PPM1K: variants seen among roughly 807,000 people sequenced by gnomAD.
PPM1K encodes the protein protein phosphatase, Mg2+/Mn2+ dependent 1K, also known as protein phosphatase Mn(2+)-dependent 1K.
PPM1K carries 19 observed loss-of-function variants against 32.6 expected under a neutral mutation model. The ratio of observed to expected loss-of-function variants is 0.58; its 90% CI spans 0.41 to 0.86. PPM1K has a LOEUF of 0.86. PPM1K is among the 40% of genes least tolerant of loss of function. The pLI is 0.00. For missense variants in PPM1K, 362 were observed against 461.2 expected (o/e 0.78, Z 1.97); for synonymous variants, 159 against 165.3 (o/e 0.96, Z 0.29).
At chr4:88,262,814 C>T (rs1411293164) in intron 6 of PPM1K, 88 bp from the exon 7 acceptor site, 9 of 1,441,058 alleles carry the variant, frequency 6.2e-6, no homozygotes, top group South Asian at 3.0e-5. Flanking sequence ...CTTGGAAATA[C>T]GCTTCCCCTA....
At chr4:88,265,786 T>C (rs1731278280) in intron 5 of PPM1K, among the ~76,000 whole-genome samples, 1 of 152,258 alleles carries the variant, frequency 6.6e-6, no homozygotes, top group Admixed American at 6.5e-5. Context: ...TAATCACGCC[T>C]AACAATTTAG....
At chr4:88,272,574 G>A (rs1172948583) in intron 3 of PPM1K, among the ~76,000 whole-genome samples, 1 of 152,108 alleles carries the variant, frequency 6.6e-6, no homozygotes, top group African/African-American at 2.4e-5. Flanking sequence ...ATAAACAACG[G>A]ACTGGTGGGA....
chr4:88,268,095 T>C, intron 5 of PPM1K, 95 bp downstream of exon 5: 1 of 1,323,772 alleles, frequency 7.6e-7, no homozygotes, highest in Middle Eastern at 1.9e-4. Context: ...AAAAATCATT[T>C]TGGCTTCAGT....
In PPM1K at chr4:88,278,359, A is replaced by G. The variant is rs1490007317; in HGVS notation, c.225T>C (p.Ile75=). Residue 75 remains isoleucine (I), a synonymous_variant, in exon 2 of 7, where the codon ATT becomes ATC. Transcript: ENST00000608933. The surrounding 1 kb of genome is among the most constrained non-coding windows in gnomAD (Gnocchi z 4.2). The stretch of plus-strand genomic sequence containing the variant: ...CATACTTAATGCTGGGTGGCAGCAG[A>G]ATTGGCTCATCAATGCGGTTATCCC... ...GIWDNRIDEP[I]LLPPSIKYGK... The G allele has an allele frequency of 1.9e-6, 3 of 1,614,208 alleles. No individual in the cohort carries two copies. Among genetic ancestry groups the G allele is most frequent in the Admixed American group, 3.3e-5 (2 of 60,026 alleles).
chr4:88,261,193 A>G lies in PPM1K; in HGVS notation c.*1402T>C, dbSNP rs1731102855. The G allele has an allele frequency of 6.6e-6, 1 of 152,226 alleles. No individual in the cohort carries two copies. 9.4% of individuals were successfully genotyped at this position (152,226 alleles called of 1,614,324 possible). On this transcript the variant is annotated 3_prime_UTR_variant, in exon 7 of 7. Coordinates refer to ENST00000608933, the MANE Select transcript of PPM1K (RefSeq NM_152542.5). ...TTTAACAGCAAACTTACATGCAGAT[A>G]AAGAGAAGTATAGTTTTATACTTCC... is the stretch of plus-strand genomic sequence containing the variant.
intron 3 of PPM1K, chr4:88,276,208 A>G (rs1161824006): frequency 1.8e-5 from 18 of 985,272 alleles, no homozygotes; most frequent in Admixed American, 6.1e-5. Flanking sequence ...AATGCAAACA[A>G]TCTCTATCCT....
Position 88,278,963 on chromosome 4 carries a change from A to G in PPM1K, c.-59-321T>C. The stretch of plus-strand genomic sequence containing the variant: ...ACAGAACATGTATCTCTTAAACTTG[A>G]ACCTGCAATCACTTGTTAAAATGCA... On this transcript the variant is annotated intron_variant, in intron 1 of 6. Coordinates refer to ENST00000608933, the MANE Select transcript of PPM1K (RefSeq NM_152542.5). This position sits in a 1 kb window ranked among gnomAD's most constrained non-coding sequence, Gnocchi z 4.2. The G allele has an allele frequency of 5.5e-6, 1 of 182,384 alleles. No individual in the cohort carries two copies. The highest frequency in any genetic ancestry group is 1.2e-4 in the South Asian group (1 of 8,262). 11.3% of individuals were successfully genotyped at this position (182,384 alleles called of 1,614,324 possible). A position where few individuals can be genotyped will look rare whatever the true frequency, so the allele number is the denominator to read the frequency against.
intron 3 of PPM1K, among the ~76,000 whole-genome samples, chr4:88,274,226 C>T (rs1225130347): frequency 6.6e-6 from 1 of 152,202 alleles, no homozygotes; most frequent in African/African-American, 2.4e-5. Context: ...TAGTAATTCA[C>T]TTCTATGGTT....
At chr4:88,276,776 A>G in intron 3 of PPM1K, 3 of 1,006,544 alleles carry the variant, frequency 3.0e-6, no homozygotes, top group Non-Finnish European at 3.6e-6. Flanking sequence ...CACCAGATCC[A>G]TCTAAAAAAA....
At chr4:88,264,495 C>T (rs558776096) in intron 6 of PPM1K, among the ~76,000 whole-genome samples, 5 of 152,218 alleles carry the variant, frequency 3.3e-5, no homozygotes, top group East Asian at 1.9e-4. Flanking sequence ...TCTAGTTTAA[C>T]GGTCAAGTGG....
chr4:88,277,217 A>G lies in PPM1K; in HGVS notation c.467T>C (p.Leu156Ser), dbSNP rs760507327. ...AAAAGCCAAGGTCAACAGAGTTTCC[A>G]AGTTCTTCTCCTTAGGAAGCAAATC... ...IMDLLPKEKN[L>S]ETLLTLAFLE... Residue 156 changes from leucine (L) to serine (S), a missense_variant, in exon 3 of 7, where the codon TTG becomes TCG. Coordinates refer to ENST00000608933, the MANE Select transcript of PPM1K (RefSeq NM_152542.5). 2.5e-6 allele frequency: 4 copies of G among 1,614,004 alleles called. No homozygotes were observed. The highest frequency in any genetic ancestry group is 3.4e-6 in the Non-Finnish European group (4 of 1,179,884).
Position 88,271,054 on chromosome 4 carries a change from C to G in PPM1K, c.542-2148G>C, listed in dbSNP as rs775147534. On this transcript the variant is annotated intron_variant, in intron 3 of 6. Transcript: ENST00000608933. ...CTAATGGGACAAAGAGATGTGGGAA[C>G]CTTCCCGTAGTCCAGGATAGGAACC... 7.7e-6 allele frequency: 4 copies of G among 518,022 alleles called. No individual in the cohort carries two copies. The East Asian group carries it at 2.2e-4, about 28-fold the overall frequency. 32.1% of individuals were successfully genotyped at this position (518,022 alleles called of 1,614,324 possible).
chr4:88,268,493 C>T (rs1484254805), intron 4 of PPM1K, among the ~76,000 whole-genome samples, 159 bp from the exon 5 acceptor site: 5 of 152,080 alleles, frequency 3.3e-5, no homozygotes, highest in Non-Finnish European at 7.4e-5. Flanking sequence ...TGTTGGCAGG[C>T]GCCTGTAGTC....
At position 88,268,736 on chromosome 4, in the gene PPM1K, A is replaced by T. The variant is rs776200037; in HGVS notation, c.707+5T>A. The T allele has an allele frequency of 4.3e-6, 7 of 1,612,136 alleles. No individual in the cohort carries two copies. Among genetic ancestry groups the T allele is most frequent in the Non-Finnish European group, 4.2e-6 (5 of 1,178,362 alleles). ...AATGATATGATGGATCAGTGGTGGT[A>T]GTACCTTTCTTTTTCATCTTTTCTT... On this transcript the variant is annotated splice_donor_5th_base_variant and intron_variant, in intron 4 of 6. Transcript: ENST00000608933.
At chr4:88,275,172 T>G (rs890992439) in intron 3 of PPM1K, 1 of 561,690 alleles carries the variant, frequency 1.8e-6, no homozygotes, top group Admixed American at 6.3e-5. Context: ...TTTTAATTTC[T>G]TTATTACAAA....
At chr4:88,265,438 A>G (rs568022414) in intron 5 of PPM1K, among the ~76,000 whole-genome samples, 1 of 152,312 alleles carries the variant, frequency 6.6e-6, no homozygotes, top group East Asian at 1.9e-4. Context: ...GTTCCCCTGC[A>G]CATGCTCTCT....
chr4:88,282,153 C>T (rs367827080), intron 1 of PPM1K, among the ~76,000 whole-genome samples: 6 of 152,052 alleles, frequency 3.9e-5, no homozygotes, highest in African/African-American at 1.4e-4. Flanking sequence ...ATTTTTTGAT[C>T]GGAAAACATG....
At chr4:88,270,074 AT>A (rs1262473277) in intron 3 of PPM1K, among the ~76,000 whole-genome samples, 1 of 152,244 alleles carries the variant, frequency 6.6e-6, no homozygotes, top group African/African-American at 2.4e-5. Context: ...GATGACTTCG[AT>A]TTTAAAGGTA....
chr4:88,262,462 AAACT>A lies in PPM1K; in HGVS notation c.*129_*132del. 1 of 906,522 alleles carries A rather than the reference AAACT, an allele frequency of 1.1e-6. No homozygotes were observed. Among genetic ancestry groups the A allele is most frequent in the Non-Finnish European group, 1.6e-6 (1 of 610,302 alleles). The allele number at this position is 906,522 out of a possible 1,614,324, so 56.2% of individuals were successfully genotyped here. On this transcript the variant is annotated 3_prime_UTR_variant, in exon 7 of 7. Transcript: ENST00000608933. ...ATAAATATGATGAGCATTTATGAAA[AAACT>A]ACTATCTAAGTGGTTTACACTGACT...
Sources: gnomAD v4.1 joint callset for allele counts (sites outside exome capture counted in the v4.1 genomes callset) on GRCh38, gnomAD v4.1.1 for gene constraint, Gnocchi (gnomAD v3.1) non-coding constraint, MANE v1.5 for transcripts, NCBI Gene and HGNC (gene_info 2026-07-23, HGNC 2026-07-21) for gene names.